Variants in EEF1G observed in about 807,000 individuals in gnomAD.
The protein encoded by EEF1G is elongation factor 1-gamma.
A neutral mutation model predicts 58.3 loss-of-function variants in EEF1G; 14 were observed. The ratio of observed to expected loss-of-function variants is 0.24; its 90% confidence interval spans 0.16 to 0.38. The LOEUF is 0.38. Ranked by LOEUF, EEF1G falls within the 10% of genes least tolerant of loss-of-function variation. EEF1G has a pLI of 1.00. For synonymous variants in EEF1G, 180 were observed against 206.8 expected, an observed-to-expected ratio of 0.87 and a Z score of 1.11; for missense variants, 322 against 550.1, an observed-to-expected ratio of 0.59 and a Z score of 4.15.
At chr11:62,566,767 T>G (rs747459752) in intron 7 of EEF1G, 39 bp downstream of exon 7, 2 of 1,601,922 alleles carry the variant, frequency 1.2e-6, no homozygotes, top group Non-Finnish European at 1.7e-6. Flanking sequence ...AGAACAGGCC[T>G]TCTTTGGTCC....
Position 62,570,928 on chromosome 11 carries a change from T to C in EEF1G, c.522+37A>G, listed in dbSNP as rs200867454. On this transcript the variant is annotated intron_variant, in intron 5 of 9. Transcript: ENST00000329251. The stretch of plus-strand genomic sequence containing the variant: ...CTCGTCACTTTGTTTCTAATCCCCA[T>C]CTACCCACTGCCAAATGGATTTTCC... 1.1e-5 allele frequency: 18 copies of C among 1,613,088 alleles called. No homozygotes were observed. In the Admixed American group the frequency reaches 1.2e-4, roughly 10 times the overall value.
intron 7 of EEF1G, 54 bp from the exon 8 acceptor site, chr11:62,560,508 A>G: frequency 1.3e-6 from 2 of 1,564,718 alleles, no homozygotes; most frequent in Non-Finnish European, 1.7e-6. Flanking sequence ...TTGCCAGGCT[A>G]AGAGAAGTGA....
At chr11:62,571,218 C>A in intron 4 of EEF1G, 110 bp from the exon 5 acceptor site, 1 of 1,517,102 alleles carries the variant, frequency 6.6e-7, no homozygotes. Context: ...TGAGCTCACC[C>A]TCACTCTCTT....
chr11:62,570,554 T>G (rs1285380700), intron 5 of EEF1G, among the ~76,000 whole-genome samples: 1 of 152,146 alleles, frequency 6.6e-6, no homozygotes, highest in Admixed American at 6.6e-5. Flanking sequence ...CTGGGATTCC[T>G]GGCTGTTTTT....
At chr11:62,564,795 C>T (rs1008350275) in intron 7 of EEF1G, among the ~76,000 whole-genome samples, 3 of 143,248 alleles carry the variant, frequency 2.1e-5, no homozygotes, top group African/African-American at 7.8e-5. Context: ...GGGCCAGGCA[C>T]GGTAGCTCAC....
chr11:62,563,337 C>T (rs1329100298), intron 7 of EEF1G, among the ~76,000 whole-genome samples: 3 of 151,970 alleles, frequency 2.0e-5, no homozygotes, highest in Non-Finnish European at 2.9e-5. Flanking sequence ...GTATTTTTAC[C>T]GTGTTAGCCA....
intron 3 of EEF1G, 46 bp from the exon 4 acceptor site, chr11:62,571,728 C>T (rs1414331085): frequency 6.4e-7 from 1 of 1,573,080 alleles, no homozygotes; most frequent in Non-Finnish European, 8.6e-7. Flanking sequence ...GGAATGCCAA[C>T]ACCAGTCCAG....
In EEF1G at chr11:62,566,856, C is replaced by T. The variant is rs766285337; in HGVS notation, c.807G>A (p.Ala269=). 9.9e-6 allele frequency: 16 copies of T among 1,613,330 alleles called. No homozygotes were observed. The highest frequency in any genetic ancestry group is 6.7e-5 in the East Asian group (3 of 44,876). Residue 269 remains alanine, a synonymous_variant, in exon 7 of 10, where the codon GCG becomes GCA. Transcript: ENST00000329251. ...CCTTGGCCTTGGGCTCAGCAGCCAG[C>T]GCCTGCTCACATTCATCCATCTCCT... ...PEEEMDECEQ[A]LAAEPKAKDP...
chr11:62,573,327 C>T lies in EEF1G; in HGVS notation c.12+504G>A, dbSNP rs72927211. The T allele has an allele frequency of 6.1e-3, 1,013 of 165,762 alleles. 3 individuals are homozygous for T. Among genetic ancestry groups the T allele is most frequent in the Non-Finnish European group, 8.7e-3 (665 of 76,364 alleles). The allele number at this position is 165,762 out of a possible 1,614,324, so 10.3% of individuals were successfully genotyped here. A position where few individuals can be genotyped will look rare whatever the true frequency, so the allele number is the denominator to read the frequency against. ...TCATCCCTCCGGTCCTGTCCCGCAG[C>T]GAGTTCCCCGGCGTTGGGCTTCTCT... On this transcript the variant is annotated intron_variant, in intron 1 of 9. Transcript: ENST00000329251.
At chr11:62,563,093 A>G (rs184710298) in intron 7 of EEF1G, among the ~76,000 whole-genome samples, 3 of 151,828 alleles carry the variant, frequency 2.0e-5, no homozygotes, top group Admixed American at 1.3e-4. Flanking sequence ...CTGGGAGAAG[A>G]GCAAGACCCT....
At chr11:62,573,543 A>T in intron 1 of EEF1G, 2 of 556,262 alleles carry the variant, frequency 3.6e-6, no homozygotes, top group Non-Finnish European at 6.4e-6. Context: ...CCCAGATACC[A>T]CGCCTCAAAG....
At chr11:62,559,878 C>T in intron 9 of EEF1G, 41 bp from the exon 10 acceptor site, 1 of 1,613,540 alleles carries the variant, frequency 6.2e-7, no homozygotes, top group South Asian at 1.1e-5. Context: ...TTATGAGACA[C>T]CACCCCACAC....
intron 1 of EEF1G, 23 bp downstream of exon 1, chr11:62,573,808 A>G: frequency 1.9e-6 from 3 of 1,613,480 alleles, no homozygotes; most frequent in Non-Finnish European, 2.5e-6. Context: ...GATGACCCGA[A>G]CCACCAGAGC....
chr11:62,563,269 GGCGCCT>G (rs1565260408), intron 7 of EEF1G, among the ~76,000 whole-genome samples: 1 of 151,978 alleles, frequency 6.6e-6, no homozygotes, highest in Non-Finnish European at 1.5e-5. Flanking sequence ...TGGGACTACA[GGCGCCT>G]GCTACCGCCC....
In EEF1G at chr11:62,559,843, G is replaced by A. The variant is rs146526980; in HGVS notation, c.1156-6C>T. 113 of 1,613,962 alleles carry A rather than the reference G, an allele frequency of 7.0e-5. No homozygotes were observed. In the African/African-American group the frequency reaches 1.4e-3, roughly 20 times the overall value. Reference sequence around the variant, plus strand: ...ACCTGCCAATCTGGACTCAGCTGGGGATAAAAAGCCAGCATGTGGTCAAGT... The same window carrying A: ...ACCTGCCAATCTGGACTCAGCTGGGAATAAAAAGCCAGCATGTGGTCAAGT... On this transcript the variant is annotated splice_region_variant and splice_polypyrimidine_tract_variant and intron_variant, in intron 9 of 9. Transcript: ENST00000329251.
At chr11:62,571,236 A>T (rs191585547) in intron 4 of EEF1G, 128 bp from the exon 5 acceptor site, 130 of 1,420,138 alleles carry the variant, frequency 9.2e-5, no homozygotes, top group Admixed American at 2.5e-4. Flanking sequence ...CTTTCAATGG[A>T]GGCAGATCCT....
intron 5 of EEF1G, 141 bp from the exon 6 acceptor site, chr11:62,567,669 T>C: frequency 2.6e-6 from 2 of 781,770 alleles, no homozygotes; most frequent in Non-Finnish European, 3.7e-6. Context: ...TACAACATCA[T>C]CCTTCCCTGG....
chr11:62,573,104 C>T (rs878923698), intron 1 of EEF1G: 2 of 168,304 alleles, frequency 1.2e-5, no homozygotes, highest in South Asian at 3.3e-4. Context: ...TCGCTTCATT[C>T]ATTGATGGTT....
At chr11:62,567,570 C>A (rs376662848) in intron 5 of EEF1G, 42 bp from the exon 6 acceptor site, 1 of 1,532,556 alleles carries the variant, frequency 6.5e-7, no homozygotes, top group Non-Finnish European at 8.8e-7. Context: ...GTGGAAAGGC[C>A]CTGAAGAGTT....
Sources: allele counts gnomAD v4.1 joint callset (sites outside exome capture counted in the v4.1 genomes callset), GRCh38; gene constraint gnomAD v4.1.1; transcripts MANE v1.5; gene names NCBI Gene and HGNC (gene_info 2026-07-23, HGNC 2026-07-21).